The following PRKCE variants were observed in gnomAD, a reference collection of about 807,000 sequenced individuals.
The protein encoded by PRKCE is protein kinase C epsilon type.
PRKCE carries 16 observed loss-of-function variants against 85.4 expected under a neutral mutation model. That is an observed-to-expected ratio of 0.19 (90% CI 0.13 to 0.28). PRKCE has a LOEUF of 0.28. Among genes scored for constraint, PRKCE ranks in the 10% least tolerant of loss-of-function variants. The probability of loss-of-function intolerance (pLI) is 1.00; values close to 1 mark genes in which losing one functional copy is unlikely to be tolerated. For missense variants in PRKCE, 573 were observed against 975.2 expected, an observed-to-expected ratio of 0.59 and a Z score of 5.49; for synonymous variants, 388 against 371.5, an observed-to-expected ratio of 1.04 and a Z score of -0.51.
chr2:46,086,125 C>G (rs1292624916), intron 10 of PRKCE, 83 bp from the exon 11 acceptor site: 2 of 1,458,150 alleles, frequency 1.4e-6, no homozygotes, highest in African/African-American at 2.8e-5. Context: ...TCTTGGTAAC[C>G]TTACACTGAG....
chr2:45,979,019 C>A lies in PRKCE; in HGVS notation c.607+9C>A, dbSNP rs1330631290. On this transcript the variant is annotated intron_variant, in intron 4 of 14. Transcript: ENST00000306156. ...GGGATACCAGTGTCAAGGTAAGAGG[C>A]ATTTATGAATTAAATCTTCAGAGGC... is the stretch of plus-strand genomic sequence containing the variant. The A allele has an allele frequency of 6.3e-7, 1 of 1,598,386 alleles. No homozygotes were observed. Among genetic ancestry groups the A allele is most frequent in the African/African-American group, 1.3e-5 (1 of 74,878 alleles).
At chr2:45,808,432 G>A (rs1688411159) in intron 1 of PRKCE, among the ~76,000 whole-genome samples, 1 of 152,184 alleles carries the variant, frequency 6.6e-6, no homozygotes, top group African/African-American at 2.4e-5. Flanking sequence ...TTATTCCCTA[G>A]ATGCCCAACT....
chr2:45,734,674 C>T (rs560084566), intron 1 of PRKCE, among the ~76,000 whole-genome samples: 12 of 152,330 alleles, frequency 7.9e-5, no homozygotes, highest in African/African-American at 2.9e-4. Context: ...GAACCCTGAG[C>T]CTGAGTGTAG....
intron 11 of PRKCE, among the ~76,000 whole-genome samples, chr2:46,097,333 G>A (rs368569806): frequency 7.2e-5 from 11 of 151,778 alleles, no homozygotes; most frequent in South Asian, 6.3e-4. Context: ...CCTGGCTAAC[G>A]CGGGGAAACC....
In PRKCE at chr2:46,184,361, G is replaced by T. The variant is rs1348829108; in HGVS notation, c.2068-374G>T. ...TCCCTGGGTCACAGGGAGGAATGTT[G>T]TAATGGAGCCAGTAGGTTACAGCAG... On this transcript the variant is annotated intron_variant, in intron 14 of 14. Transcript: ENST00000306156. This position sits in a 1 kb window ranked among gnomAD's most constrained non-coding sequence, Gnocchi z 5.0. Among the ~76,000 whole-genome samples, 1 of 152,030 alleles carries T rather than the reference G, an allele frequency of 6.6e-6. No individual in the cohort carries two copies. The highest frequency in any genetic ancestry group is 1.9e-4 in the East Asian group (1 of 5,164).
chr2:45,904,320 C>T (rs1308217199), intron 2 of PRKCE, among the ~76,000 whole-genome samples: 1 of 152,086 alleles, frequency 6.6e-6, no homozygotes, highest in African/African-American at 2.4e-5. Context: ...ACCAAAAGAA[C>T]TCCAAGTTCC....
At chr2:45,741,467 C>T (rs377707848) in intron 1 of PRKCE, among the ~76,000 whole-genome samples, 1 of 151,868 alleles carries the variant, frequency 6.6e-6, no homozygotes, top group Non-Finnish European at 1.5e-5. Context: ...CCAGTAGCAC[C>T]AGAATGGGGC....
chr2:45,990,843 A>G (rs1295564520), intron 6 of PRKCE, among the ~76,000 whole-genome samples: 6 of 151,116 alleles, frequency 4.0e-5, no homozygotes, highest in Non-Finnish European at 8.9e-5. Context: ...TGTATTTTTA[A>G]TAGAGACAGG....
At chr2:45,938,510 T>C (rs1360619336) in intron 2 of PRKCE, among the ~76,000 whole-genome samples, 1 of 152,196 alleles carries the variant, frequency 6.6e-6, no homozygotes, top group Non-Finnish European at 1.5e-5. Context: ...GTGATTGACC[T>C]GTTGTGTCCC....
intron 1 of PRKCE, among the ~76,000 whole-genome samples, chr2:45,808,471 G>A (rs1558695124): frequency 6.6e-6 from 1 of 152,194 alleles, no homozygotes; most frequent in Non-Finnish European, 1.5e-5. Flanking sequence ...AACTCAACAG[G>A]TGTTGCTGGA....
At chr2:45,943,036 A>G (rs936362560) in intron 2 of PRKCE, among the ~76,000 whole-genome samples, 9 of 152,206 alleles carry the variant, frequency 5.9e-5, no homozygotes, top group Non-Finnish European at 1.2e-4. Context: ...CATTTATTTC[A>G]CATAATATTT....
chr2:45,667,896 C>A (rs1283079204), intron 1 of PRKCE, among the ~76,000 whole-genome samples: 1 of 152,118 alleles, frequency 6.6e-6, no homozygotes, highest in African/African-American at 2.4e-5. Flanking sequence ...GAGATGGATT[C>A]TAATCCTGGT....
chr2:46,102,325 T>C (rs2104098721), intron 11 of PRKCE, among the ~76,000 whole-genome samples: 1 of 152,278 alleles, frequency 6.6e-6, no homozygotes, highest in African/African-American at 2.4e-5. Context: ...TCCTCACCTG[T>C]AGAATGAGGA....
At chr2:45,838,021 G>A (rs923612807) in intron 1 of PRKCE, among the ~76,000 whole-genome samples, 1 of 152,180 alleles carries the variant, frequency 6.6e-6, no homozygotes. Context: ...GCCTTTTTAG[G>A]GCTTGATGTG....
At chr2:46,108,239 A>G (rs1399616032) in intron 11 of PRKCE, among the ~76,000 whole-genome samples, 2 of 152,194 alleles carry the variant, frequency 1.3e-5, no homozygotes, top group African/African-American at 4.8e-5. Flanking sequence ...AGTTCTGTGT[A>G]TATTCTGAAT....
intron 1 of PRKCE, among the ~76,000 whole-genome samples, chr2:45,787,680 A>G (rs537299680): frequency 6.6e-6 from 1 of 152,220 alleles, no homozygotes; most frequent in African/African-American, 2.4e-5. Context: ...GAGGGGAAAG[A>G]TATTGAAAAC....
At chr2:45,847,133 A>G (rs1021198099) in intron 2 of PRKCE, among the ~76,000 whole-genome samples, 3 of 152,222 alleles carry the variant, frequency 2.0e-5, no homozygotes, top group East Asian at 1.9e-4. Context: ...AGTTTTGCCT[A>G]TTGTCACTCC....
rs200592395 is a variant in PRKCE, at chr2:46,085,558, GT to G, written c.1438-649del. Among the ~76,000 whole-genome samples, 5 of 147,612 alleles carry G rather than the reference GT, an allele frequency of 3.4e-5. 1 individual carries two copies. The highest frequency in any genetic ancestry group is 1.0e-4 in the African/African-American group (4 of 39,924). ...TGGGGCTGTCTGCATCCTTTGGCTT[GT>G]GACTGTTTCACTCCAATCTCTGCCT... On this transcript the variant is annotated intron_variant, in intron 10 of 14. Coordinates refer to ENST00000306156, the MANE Select transcript of PRKCE (RefSeq NM_005400.3).
At chr2:46,097,650 A>C (rs1286164629) in intron 11 of PRKCE, among the ~76,000 whole-genome samples, 1 of 152,218 alleles carries the variant, frequency 6.6e-6, no homozygotes, top group East Asian at 1.9e-4. Flanking sequence ...TGCTTCAGCA[A>C]AGAAGCTGCC....
Sources: gnomAD v4.1 joint callset for allele counts (sites outside exome capture counted in the v4.1 genomes callset) on GRCh38, gnomAD v4.1.1 for gene constraint, Gnocchi (gnomAD v3.1) non-coding constraint, MANE v1.5 for transcripts, NCBI Gene and HGNC (gene_info 2026-07-23, HGNC 2026-07-21) for gene names.